Variants in TRAPPC9 observed in about 807,000 individuals in gnomAD.
The protein encoded by TRAPPC9 is trafficking protein particle complex subunit 9.
In TRAPPC9, 83 loss-of-function variants were observed where a neutral mutation model predicts 124.0. The observed-to-expected ratio is 0.67, with a 90% CI of 0.56 to 0.80. TRAPPC9 has a LOEUF of 0.80. Ranked by LOEUF, TRAPPC9 falls within the 30% of genes least tolerant of loss-of-function variation. The pLI is 0.00. For missense variants in TRAPPC9, 1,302 were observed against 1,508.3 expected (o/e 0.86, Z 2.27); for synonymous variants, 638 against 617.5 (o/e 1.03, Z -0.49).
At chr8:140,397,541 G>A (rs567137293) in intron 7 of TRAPPC9, 79 bp downstream of exon 7, 175 of 1,567,466 alleles carry the variant, frequency 1.1e-4, no homozygotes, top group Middle Eastern at 6.4e-4. Flanking sequence ...TCAGCAAAAC[G>A]AAATAAGCTG....
At chr8:140,156,981 C>T (rs1229028560) in intron 17 of TRAPPC9, among the ~76,000 whole-genome samples, 5 of 39,332 alleles carry the variant, frequency 1.3e-4, no homozygotes, top group South Asian at 2.6e-3. Flanking sequence ...AAAAGCCTCC[C>T]TTTCCATTCA....
intron 3 of TRAPPC9, among the ~76,000 whole-genome samples, chr8:140,438,550 AG>A (rs1285968358): frequency 6.6e-6 from 1 of 152,160 alleles, no homozygotes; most frequent in East Asian, 1.9e-4. Flanking sequence ...GACGCATGGC[AG>A]GGTGGGAGGA....
At chr8:140,426,035 A>G (rs531715604) in intron 5 of TRAPPC9, among the ~76,000 whole-genome samples, 1 of 152,346 alleles carries the variant, frequency 6.6e-6, no homozygotes, top group East Asian at 1.9e-4. Flanking sequence ...TCAATTCTAG[A>G]CTGTTTTCAT....
At chr8:140,449,935 T>A (rs567833680) in intron 2 of TRAPPC9, among the ~76,000 whole-genome samples, 1 of 152,352 alleles carries the variant, frequency 6.6e-6, no homozygotes, top group African/African-American at 2.4e-5. Flanking sequence ...CGTAAGTACA[T>A]TTCAGTTTCT....
chr8:139,932,461 G>T, intron 19 of TRAPPC9: 2 of 457,740 alleles, frequency 4.4e-6, no homozygotes. Flanking sequence ...CTGACTCCTG[G>T]GGTAGAAATG....
At chr8:140,407,682 C>T (rs1033981645) in intron 5 of TRAPPC9, among the ~76,000 whole-genome samples, 2 of 152,128 alleles carry the variant, frequency 1.3e-5, no homozygotes, top group Admixed American at 1.3e-4. Flanking sequence ...TGCAGTGGCA[C>T]GATCTCAGCT....
intron 19 of TRAPPC9, among the ~76,000 whole-genome samples, chr8:139,952,045 A>G (rs537819222): frequency 1.3e-4 from 20 of 152,338 alleles, no homozygotes; most frequent in African/African-American, 4.8e-4. Context: ...GAGTAAGGTG[A>G]AGGAAATAAT....
At chr8:140,194,894 CAT>C (rs1399574581) in intron 17 of TRAPPC9, among the ~76,000 whole-genome samples, 31 of 152,020 alleles carry the variant, frequency 2.0e-4, no homozygotes, top group Non-Finnish European at 2.1e-4. Flanking sequence ...GACACTAAAA[CAT>C]AGTCAATGAT....
intron 21 of TRAPPC9, among the ~76,000 whole-genome samples, chr8:139,737,896 A>T (rs1018446769): frequency 3.3e-5 from 5 of 152,180 alleles, no homozygotes; most frequent in African/African-American, 9.7e-5. Flanking sequence ...GCAGCGGAGG[A>T]GAACTAGGAC....
intron 21 of TRAPPC9, among the ~76,000 whole-genome samples, chr8:139,784,959 G>T (rs1404153279): frequency 6.6e-6 from 1 of 152,192 alleles, no homozygotes; most frequent in East Asian, 1.9e-4. Context: ...GTGGCAAACT[G>T]ATGAGAAGAT....
In TRAPPC9 at chr8:139,740,740, A is replaced by C. The variant is rs553199374; in HGVS notation, c.3056-8538T>G. Among the ~76,000 whole-genome samples the C allele has an allele frequency of 1.1e-4, 17 of 152,332 alleles. No homozygotes were observed. The East Asian group carries it at 3.3e-3, about 29-fold the overall frequency. The stretch of plus-strand genomic sequence containing the variant: ...CACGGGCGGTGAGCTCAGGTGCTCC[A>C]TGGGGACGGGGCCCCAACTGGAGCC... On this transcript the variant is annotated intron_variant, in intron 21 of 22. Transcript: ENST00000438773.
chr8:140,289,493 G>A (rs137896707), intron 12 of TRAPPC9, among the ~76,000 whole-genome samples: 38 of 152,294 alleles, frequency 2.5e-4, no homozygotes, highest in African/African-American at 8.2e-4. Flanking sequence ...GTGGAGATGC[G>A]AGTGTGTACT....
intron 21 of TRAPPC9, among the ~76,000 whole-genome samples, chr8:139,861,479 G>A (rs1002339737): frequency 1.3e-5 from 2 of 152,186 alleles, no homozygotes; most frequent in Non-Finnish European, 2.9e-5. Context: ...GGGAACAGAT[G>A]TGAACTACTG....
rs1334767459 is a variant in TRAPPC9 at position 140,450,910 on chromosome 8, A to G, written c.464T>C (p.Leu155Pro). The change falls in exon 2 of 23, where the codon CTG becomes CCG. Residue 155 changes from leucine (L) to proline (P), a missense_variant. Leu to Pro is a moderately conservative substitution (Grantham distance 98, BLOSUM62 -3). Coordinates refer to ENST00000438773, the MANE Select transcript of TRAPPC9 (RefSeq NM_001160372.4). ...EKRIEDFIESLFIVLESKRLD... is the reference protein window; with the variant it reads ...EKRIEDFIESPFIVLESKRLD... Reference sequence around the variant, plus strand: ...ACGCTTGGACTCCAGCACGATGAACAGTGACTCGATGAAGTCCTCGATTCT... The same window carrying G: ...ACGCTTGGACTCCAGCACGATGAACGGTGACTCGATGAAGTCCTCGATTCT... 6.2e-7 allele frequency: 1 copy of G among 1,614,164 alleles called. No individual in the cohort carries two copies. Among genetic ancestry groups the G allele is most frequent in the South Asian group, 1.1e-5 (1 of 91,078 alleles).
chr8:140,158,763 G>A (rs1487625052), intron 17 of TRAPPC9, among the ~76,000 whole-genome samples: 1 of 152,160 alleles, frequency 6.6e-6, no homozygotes, highest in Non-Finnish European at 1.5e-5. Flanking sequence ...CAGTGGGCAG[G>A]CTGTCCCCAG....
At chr8:140,115,652 C>T (rs990597445) in intron 17 of TRAPPC9, among the ~76,000 whole-genome samples, 4 of 152,110 alleles carry the variant, frequency 2.6e-5, no homozygotes, top group African/African-American at 9.7e-5. Context: ...GATGTGGAAC[C>T]GGCAGATGCA....
At chr8:140,076,421 G>A (rs2129920286) in intron 17 of TRAPPC9, among the ~76,000 whole-genome samples, 1 of 152,306 alleles carries the variant, frequency 6.6e-6, no homozygotes, top group Admixed American at 6.5e-5. Flanking sequence ...AAAGTAAAAA[G>A]TCCACAGACA....
At chr8:140,132,086 C>G (rs1006474463) in intron 17 of TRAPPC9, among the ~76,000 whole-genome samples, 1 of 152,214 alleles carries the variant, frequency 6.6e-6, no homozygotes, top group African/African-American at 2.4e-5. Flanking sequence ...CCTCTGCTGT[C>G]ACCTTCCATG....
At chr8:140,200,640 CG>C (rs1188413593) in intron 17 of TRAPPC9, among the ~76,000 whole-genome samples, 1 of 152,046 alleles carries the variant, frequency 6.6e-6, no homozygotes, top group African/African-American at 2.4e-5. Context: ...AATATCTGAC[CG>C]GCACTCCTCA....
Sources: gnomAD v4.1 joint callset for allele counts (sites outside exome capture counted in the v4.1 genomes callset) on GRCh38, gnomAD v4.1.1 for gene constraint, MANE v1.5 for transcripts, NCBI Gene and HGNC (gene_info 2026-07-23, HGNC 2026-07-21) for gene names.